The following LPCAT2 variants were observed in gnomAD, a reference collection of about 807,000 sequenced individuals.
LPCAT2 encodes lysophosphatidylcholine acyltransferase 2.
LPCAT2 carries 58 observed loss-of-function variants against 64.7 expected under a neutral mutation model. The observed-to-expected ratio is 0.90, with a 90% CI of 0.73 to 1.12. LPCAT2 has a LOEUF of 1.12. Among genes scored for constraint, LPCAT2 ranks in the 50% most tolerant of loss-of-function variants. The probability of loss-of-function intolerance (pLI) is 0.00; values close to 1 mark genes in which losing one functional copy is unlikely to be tolerated. For missense variants in LPCAT2, 579 were observed against 669.8 expected, an observed-to-expected ratio of 0.86 and a Z score of 1.50; for synonymous variants, 252 against 245.3, an observed-to-expected ratio of 1.03 and a Z score of -0.26.
chr16:55,579,466 C>T (rs1211647477), intron 13 of LPCAT2, among the ~76,000 whole-genome samples: 1 of 152,110 alleles, frequency 6.6e-6, no homozygotes, highest in Admixed American at 6.6e-5. Flanking sequence ...TATATATTAA[C>T]CCATTTAATC....
chr16:55,582,790 C>A, intron 13 of LPCAT2, 124 bp from the exon 14 acceptor site: 2 of 628,060 alleles, frequency 3.2e-6, no homozygotes, highest in Non-Finnish European at 5.5e-6. Flanking sequence ...TTTTCATCAG[C>A]AATGTTTGTG....
intron 11 of LPCAT2, among the ~76,000 whole-genome samples, chr16:55,565,130 A>G (rs1218752706): frequency 6.6e-6 from 1 of 152,030 alleles, no homozygotes; most frequent in Admixed American, 6.6e-5. Context: ...GGGTAATGCA[A>G]ATCAAAACTA....
At chr16:55,529,982 G>A (rs1963231001) in intron 4 of LPCAT2, 35 bp downstream of exon 4, 1 of 1,476,590 alleles carries the variant, frequency 6.8e-7, no homozygotes, top group Non-Finnish European at 9.3e-7. Context: ...AAATATAGTG[G>A]GAGTTTATTA....
chr16:55,562,126 C>T (rs1262348491), intron 11 of LPCAT2, among the ~76,000 whole-genome samples: 1 of 151,970 alleles, frequency 6.6e-6, no homozygotes, highest in Non-Finnish European at 1.5e-5. Context: ...GCAGTTCAAA[C>T]CCCCTTCCAA....
At chr16:55,571,916 A>C (rs1489796810) in intron 11 of LPCAT2, among the ~76,000 whole-genome samples, 1 of 152,164 alleles carries the variant, frequency 6.6e-6, no homozygotes, top group Non-Finnish European at 1.5e-5. Context: ...AAAATGAAGA[A>C]GTTGAATGGA....
intron 1 of LPCAT2, among the ~76,000 whole-genome samples, chr16:55,521,410 C>A (rs58173132): frequency 6.6e-6 from 1 of 151,676 alleles, no homozygotes; most frequent in East Asian, 1.9e-4. Context: ...TTTAAGAATA[C>A]AATAAAATCA....
intron 1 of LPCAT2, among the ~76,000 whole-genome samples, chr16:55,522,720 T>A (rs186459761): frequency 6.6e-6 from 1 of 151,698 alleles, no homozygotes; most frequent in Non-Finnish European, 1.5e-5. Flanking sequence ...CATTGAGAAA[T>A]GTCAAGTCTT....
chr16:55,517,505 A>G (rs1596846379), intron 1 of LPCAT2, among the ~76,000 whole-genome samples: 1 of 152,126 alleles, frequency 6.6e-6, no homozygotes, highest in South Asian at 2.1e-4. Context: ...GGCCAGGCCT[A>G]CTCTGATACC....
rs753928485 is a variant in LPCAT2, at chr16:55,529,869, C to T, written c.564C>T (p.Ser188=). 5 of 1,612,062 alleles carry T rather than the reference C, an allele frequency of 3.1e-6. No individual in the cohort carries two copies. The highest frequency in any genetic ancestry group is 1.7e-4 in the Middle Eastern group (1 of 6,056). Residue 188 remains serine, a synonymous_variant, in exon 4 of 14, where the codon TCC becomes TCT. Coordinates refer to ENST00000262134, the MANE Select transcript of LPCAT2 (RefSeq NM_017839.5). ...GGGCTGTGCAACCAGTTTTGGTGTC[C>T]CGTGTAGATCCGGATTCCCGAAAAA... ...LLRAVQPVLV[S]RVDPDSRKNT...
intron 3 of LPCAT2, among the ~76,000 whole-genome samples, chr16:55,528,813 T>G (rs577183497): frequency 4.9e-4 from 74 of 152,332 alleles, no homozygotes; most frequent in Middle Eastern, 3.4e-3. Flanking sequence ...TAAAACTTTT[T>G]ATCACTATGT....
chr16:55,514,353 T>C (rs543066348), intron 1 of LPCAT2, among the ~76,000 whole-genome samples: 1 of 152,294 alleles, frequency 6.6e-6, no homozygotes, highest in African/African-American at 2.4e-5. Context: ...AGAGTTGTCA[T>C]CTGTCACCTG....
rs532038112 is a variant in LPCAT2 at position 55,565,405 on chromosome 16, A to G, written c.1216-9226A>G. On this transcript the variant is annotated intron_variant, in intron 11 of 13. Transcript: ENST00000262134. The stretch of plus-strand genomic sequence containing the variant: ...CAAAGACTCAAACAAATATTTGTAT[A>G]CCCATGTTCATAGCAGCATTATTCC... Among the ~76,000 whole-genome samples the G allele has an allele frequency of 2.0e-5, 3 of 152,216 alleles. No individual in the cohort carries two copies. The South Asian group carries it at 6.2e-4, about 32-fold the overall frequency.
chr16:55,517,348 T>C (rs1179418928), intron 1 of LPCAT2, among the ~76,000 whole-genome samples: 1 of 152,012 alleles, frequency 6.6e-6, no homozygotes, highest in African/African-American at 2.4e-5. Context: ...TAACTAGTTA[T>C]TAAAAACATC....
At chr16:55,569,332 C>A (rs565409958) in intron 11 of LPCAT2, among the ~76,000 whole-genome samples, 3 of 152,270 alleles carry the variant, frequency 2.0e-5, no homozygotes, top group South Asian at 4.1e-4. Flanking sequence ...CTACTTAGAC[C>A]AGGTGTGGTT....
intron 11 of LPCAT2, 90 bp downstream of exon 11, chr16:55,551,192 G>A (rs1254006274): frequency 6.6e-6 from 8 of 1,210,862 alleles, no homozygotes; most frequent in African/African-American, 6.0e-5. Context: ...AACTTGATAG[G>A]TCAGTGTTAG....
At chr16:55,529,124 A>G (rs1963216794) in intron 3 of LPCAT2, among the ~76,000 whole-genome samples, 1 of 152,144 alleles carries the variant, frequency 6.6e-6, no homozygotes, top group Non-Finnish European at 1.5e-5. Flanking sequence ...GACGCAAGTG[A>G]AGTGTTTTTC....
At chr16:55,573,150 G>A (rs930853308) in intron 11 of LPCAT2, among the ~76,000 whole-genome samples, 4 of 152,172 alleles carry the variant, frequency 2.6e-5, no homozygotes, top group Non-Finnish European at 5.9e-5. Context: ...AAAGTAATAT[G>A]GTGAAAATGA....
chr16:55,548,017 C>T (rs1963473767), intron 9 of LPCAT2, among the ~76,000 whole-genome samples: 1 of 152,176 alleles, frequency 6.6e-6, no homozygotes, highest in Non-Finnish European at 1.5e-5. Context: ...ATCCGCCTGC[C>T]TTGTCCTCCC....
intron 11 of LPCAT2, chr16:55,557,111 A>T (rs756933090): frequency 6.6e-6 from 1 of 152,182 alleles, no homozygotes; most frequent in Non-Finnish European, 1.5e-5. Context: ...TTAGATATAA[A>T]CCGTAACTGT....
Sources: gnomAD v4.1 joint callset for allele counts (sites outside exome capture counted in the v4.1 genomes callset) on GRCh38, gnomAD v4.1.1 for gene constraint, MANE v1.5 for transcripts, NCBI Gene and HGNC (gene_info 2026-07-23, HGNC 2026-07-21) for gene names.